SAMD3: variants seen among roughly 807,000 people sequenced by gnomAD.
The protein encoded by SAMD3 is sterile alpha motif domain containing 3, also known as sterile alpha motif domain-containing protein 3.
Under a neutral mutation model 58.5 loss-of-function variants are expected in SAMD3, and 63 were observed. That is an observed-to-expected ratio of 1.08 (90% confidence interval 0.88 to 1.33). The LOEUF is 1.33. Among genes scored for constraint, SAMD3 ranks in the 40% most tolerant of loss-of-function variants. SAMD3 has a pLI of 0.00. For synonymous variants in SAMD3, 220 were observed against 210.3 expected (o/e 1.05, Z -0.40); for missense variants, 604 against 608.4 (o/e 0.99, Z 0.08).
Position 130,324,772 on chromosome 6 carries a change from A to ATT in SAMD3, c.-303-11681_-303-11680dup, listed in dbSNP as rs5880015. Among the ~76,000 whole-genome samples, 567 of 147,640 alleles carry ATT rather than the reference A, an allele frequency of 3.8e-3. 1 individual carries two copies. Among genetic ancestry groups the ATT allele is most frequent in the African/African-American group, 0.013 (512 of 40,444 alleles). On this transcript the variant is annotated intron_variant, in intron 1 of 13. Transcript: ENST00000368134. ...TAACAAAAACTACTTTTTGGAGAAC[A>ATT]TTTTTTTTTTTTTGGAATAGAAAAA...
Position 130,201,107 on chromosome 6 carries a change from C to T in SAMD3, c.383+8388G>A, listed in dbSNP as rs535991511. On this transcript the variant is annotated intron_variant, in intron 5 of 11. Coordinates refer to ENST00000439090, the MANE Select transcript of SAMD3 (RefSeq NM_001017373.4). ...ATATCCTTTTGATGCCTGTTACCAC[C>T]GTCTTAGCTTAGACCTTCATCAATT... is the stretch of plus-strand genomic sequence containing the variant. Among the ~76,000 whole-genome samples, 12 of 152,200 alleles carry T rather than the reference C, an allele frequency of 7.9e-5. No individual in the cohort carries two copies. The South Asian group carries it at 2.3e-3, about 29-fold the overall frequency.
chr6:130,229,504 G>T (rs1472503423), intron 2 of SAMD3, among the ~76,000 whole-genome samples: 3 of 152,134 alleles, frequency 2.0e-5, no homozygotes, highest in African/African-American at 7.2e-5. Flanking sequence ...GAAGCTTCAT[G>T]TCTTGTGCTC....
At chr6:130,308,398 C>CTATTCTATTCTATTCTATT (rs1562513087) in intron 2 of SAMD3, among the ~76,000 whole-genome samples, 5 of 145,538 alleles carry the variant, frequency 3.4e-5, no homozygotes, top group African/African-American at 1.1e-4. Flanking sequence ...CTATTCTATT[C>CTATTCTATTCTATTCTATT]TATTCTATTC....
intron 1 of SAMD3, among the ~76,000 whole-genome samples, chr6:130,330,608 T>C (rs978583693): frequency 2.0e-5 from 3 of 152,098 alleles, no homozygotes; most frequent in Admixed American, 6.6e-5. Flanking sequence ...ACTGAGGAAG[T>C]GTAGTTAAAG....
chr6:130,346,605 C>A (rs1777461928), intron 1 of SAMD3, among the ~76,000 whole-genome samples: 2 of 152,204 alleles, frequency 1.3e-5, no homozygotes, highest in African/African-American at 4.8e-5. Flanking sequence ...GTGGAGCCCA[C>A]CACAGCCCAA....
At chr6:130,325,917 A>G (rs190205214) in intron 1 of SAMD3, among the ~76,000 whole-genome samples, 3 of 152,192 alleles carry the variant, frequency 2.0e-5, no homozygotes, top group African/African-American at 4.8e-5. Context: ...TCACTTGCCT[A>G]CTTTTCAATT....
chr6:130,162,258 T>G (rs1459631184), intron 8 of SAMD3: 5 of 701,690 alleles, frequency 7.1e-6, no homozygotes, highest in Non-Finnish European at 1.3e-5. Flanking sequence ...CTAGCCAACT[T>G]TTAGTTTAAG....
intron 2 of SAMD3, among the ~76,000 whole-genome samples, chr6:130,269,498 C>CA (rs1774481682): frequency 6.6e-6 from 1 of 151,978 alleles, no homozygotes; most frequent in African/African-American, 2.4e-5. Flanking sequence ...AATTTACGAA[C>CA]ATAAAGTTGT....
intron 5 of SAMD3, among the ~76,000 whole-genome samples, chr6:130,195,571 T>G (rs1017727123): frequency 6.6e-6 from 1 of 152,214 alleles, no homozygotes; most frequent in African/African-American, 2.4e-5. Flanking sequence ...CAACCCATTA[T>G]TCTGTTCTAG....
At chr6:130,164,085 G>GA (rs60129721) in intron 8 of SAMD3, among the ~76,000 whole-genome samples, 80,554 of 137,244 alleles carry the variant, frequency 0.59, 23,149 homozygotes, top group Middle Eastern at 0.65. Flanking sequence ...AAAGTAGGTT[G>GA]AAAAAAAAAA....
chr6:130,277,538 C>T (rs76373442), intron 2 of SAMD3, among the ~76,000 whole-genome samples: 167 of 152,324 alleles, frequency 1.1e-3, no homozygotes, highest in African/African-American at 3.6e-3. Context: ...AAATGGTGTA[C>T]AGTCTACTGG....
chr6:130,159,077 T>C (rs578095207), intron 8 of SAMD3, among the ~76,000 whole-genome samples: 5 of 152,330 alleles, frequency 3.3e-5, no homozygotes, highest in Non-Finnish European at 7.4e-5. Context: ...GGTTTGGCTC[T>C]GTGTCCCCAC....
downstream of SAMD3, among the ~76,000 whole-genome samples, chr6:130,143,360 C>G (rs1002156879): frequency 2.6e-5 from 4 of 152,184 alleles, no homozygotes; most frequent in Admixed American, 6.5e-5. Context: ...GTTCTCCTGC[C>G]TCAGCCTCCC....
At chr6:130,233,627 G>A (rs1026615973) in intron 2 of SAMD3, among the ~76,000 whole-genome samples, 14 of 152,182 alleles carry the variant, frequency 9.2e-5, no homozygotes, top group African/African-American at 2.9e-4. Flanking sequence ...AAGACAGGCT[G>A]AAAGGTGATA....
At chr6:130,145,516 C>T (rs1167676865) in intron 10 of SAMD3, 94 bp from the exon 11 acceptor site, 2 of 792,158 alleles carry the variant, frequency 2.5e-6, no homozygotes, top group Non-Finnish European at 4.1e-6. Context: ...TTTTTGTTAC[C>T]TTGGACAGAA....
intron 8 of SAMD3, chr6:130,159,564 T>A (rs1457651397): frequency 6.6e-6 from 1 of 152,210 alleles, no homozygotes; most frequent in Non-Finnish European, 1.5e-5. Context: ...TTGGTGCAAA[T>A]TGGCCTTAGG....
intron 2 of SAMD3, among the ~76,000 whole-genome samples, chr6:130,252,187 A>G (rs1241993526): frequency 6.6e-6 from 1 of 151,998 alleles, no homozygotes; most frequent in Non-Finnish European, 1.5e-5. Context: ...CTTAAAGCCT[A>G]TTTTTCTGAT....
At position 130,162,243 on chromosome 6, in the gene SAMD3, T is replaced by C. The variant is rs577345557; in HGVS notation, c.823-7218A>G. 1.6e-5 allele frequency: 11 copies of C among 701,860 alleles called. 1 individual carries two copies. The highest frequency in any genetic ancestry group is 2.3e-5 in the Non-Finnish European group (9 of 384,522). 43.5% of individuals were successfully genotyped at this position (701,860 alleles called of 1,614,324 possible). On this transcript the variant is annotated intron_variant, in intron 8 of 11. Transcript: ENST00000439090. ...CAGAGTTGGTTGTAATAGCAGAGCA[T>C]AGTTCTAGCCAACTTTTAGTTTAAG...
chr6:130,224,596 TTATTA>T (rs1796334153), upstream of SAMD3, among the ~76,000 whole-genome samples: 1 of 51,892 alleles, frequency 1.9e-5, no homozygotes, highest in African/African-American at 1.6e-4. Context: ...TATTTATTTA[TTATTA>T]TTATTATTAT....
Sources: gnomAD v4.1 joint callset for allele counts (sites outside exome capture counted in the v4.1 genomes callset) on GRCh38, gnomAD v4.1.1 for gene constraint, MANE v1.5 for transcripts, NCBI Gene and HGNC (gene_info 2026-07-23, HGNC 2026-07-21) for gene names.